The following CCDC62 variants were observed in gnomAD, a reference collection of about 807,000 sequenced individuals.
The protein encoded by CCDC62 is coiled-coil domain containing 62.
A neutral mutation model predicts 80.8 loss-of-function variants in CCDC62; 72 were observed. That is an observed-to-expected ratio of 0.89 (90% CI 0.74 to 1.08). The LOEUF is 1.08. CCDC62 is among the 50% of genes least tolerant of loss of function. CCDC62 has a pLI of 0.00. For missense variants in CCDC62, 704 were observed against 809.4 expected (o/e 0.87, Z 1.58); for synonymous variants, 286 against 296.5 (o/e 0.96, Z 0.36).
At chr12:122,812,777 G>GAGAGAGAGAGAGAAAGAAAGAAAGAA (rs750420995) in intron 10 of CCDC62, among the ~76,000 whole-genome samples, 4 of 57,780 alleles carry the variant, frequency 6.9e-5, no homozygotes, top group African/African-American at 2.3e-4. Context: ...GAGAGAGAGA[G>GAGAGAGAGAGAGAAAGAAAGAAAGAA]AGAAAGAAAG....
At chr12:122,797,211 A>G (rs1482579289) in intron 6 of CCDC62, 96 bp from the exon 7 acceptor site, 3 of 673,050 alleles carry the variant, frequency 4.5e-6, no homozygotes, top group African/African-American at 3.6e-5. Context: ...GAACAACAAC[A>G]ACAAAAATGT....
chr12:122,813,861 T>C (rs2032046916), intron 11 of CCDC62, among the ~76,000 whole-genome samples: 1 of 152,076 alleles, frequency 6.6e-6, no homozygotes, highest in African/African-American at 2.4e-5. Context: ...TTCACCATGT[T>C]GGCCAGGCTG....
At chr12:122,809,361 G>T (rs1025643291) in intron 10 of CCDC62, among the ~76,000 whole-genome samples, 1 of 152,034 alleles carries the variant, frequency 6.6e-6, no homozygotes, top group Admixed American at 6.6e-5. Context: ...GTTGTAGCTC[G>T]TGCCTGTGGT....
intron 4 of CCDC62, among the ~76,000 whole-genome samples, chr12:122,788,338 A>G (rs2135540290): frequency 1.3e-5 from 2 of 152,318 alleles, no homozygotes; most frequent in Admixed American, 1.3e-4. Flanking sequence ...ATGATGGGCC[A>G]TTAGACTTAC....
At position 122,797,304 on chromosome 12, in the gene CCDC62, T is replaced by C. The variant is rs758129300; in HGVS notation, c.773-3T>C. The C allele has an allele frequency of 4.8e-6, 7 of 1,456,530 alleles. No individual in the cohort carries two copies. The highest frequency in any genetic ancestry group is 4.8e-6 in the Non-Finnish European group (5 of 1,037,356). The allele number at this position is 1,456,530 out of a possible 1,614,324, so 90.2% of individuals were successfully genotyped here. On this transcript the variant is annotated splice_region_variant and splice_polypyrimidine_tract_variant and intron_variant, in intron 6 of 12. Transcript: ENST00000253079. The stretch of plus-strand genomic sequence containing the variant: ...AATGTTAATAATACTTGTTCTTAAA[T>C]AGTAGAGAGAGAAAAGAGGAAAGAT...
chr12:122,817,821 CGT>C (rs945002677), intron 11 of CCDC62, among the ~76,000 whole-genome samples: 2 of 151,330 alleles, frequency 1.3e-5, no homozygotes, highest in East Asian at 1.9e-4. Context: ...TGCATGCATG[CGT>C]GTGTGTGTGT....
rs1439131733 is a variant in CCDC62, at chr12:122,824,647, A to G, written c.*40+1188A>G. 2.6e-5 allele frequency among the ~76,000 whole-genome samples: 4 copies of G among 152,202 alleles called. 1 individual carries two copies. The South Asian group carries it at 8.3e-4, about 32-fold the overall frequency. On this transcript the variant is annotated intron_variant, in intron 12 of 12. Coordinates refer to ENST00000253079, the MANE Select transcript of CCDC62 (RefSeq NM_201435.5). ...TAAAAGTAGAACTCCGATTTGATCCAATAATCCCACTACTGGGTATCTACG... is the reference window on the plus strand; with the variant it reads ...TAAAAGTAGAACTCCGATTTGATCCGATAATCCCACTACTGGGTATCTACG...
rs1365464146 is a variant in CCDC62 at position 122,826,961 on chromosome 12, G to T, written c.*580G>T. The T allele has an allele frequency of 6.6e-6, 1 of 152,584 alleles. No homozygotes were observed. The highest frequency in any genetic ancestry group is 1.9e-4 in the East Asian group (1 of 5,202). The allele number at this position is 152,584 out of a possible 1,614,324, so 9.5% of individuals were successfully genotyped here. A position where few individuals can be genotyped will look rare whatever the true frequency, so the allele number is the denominator to read the frequency against. On this transcript the variant is annotated 3_prime_UTR_variant, in exon 13 of 13. Coordinates refer to ENST00000253079, the MANE Select transcript of CCDC62 (RefSeq NM_201435.5). ...AAATGTAACTGGAAAATAGCTCGAGGTCCTTCTGTCCCAAGCTGAGCAGAG... is the reference window on the plus strand; with the variant it reads ...AAATGTAACTGGAAAATAGCTCGAGTTCCTTCTGTCCCAAGCTGAGCAGAG...
At chr12:122,786,077 T>G (rs950984068) in intron 4 of CCDC62, among the ~76,000 whole-genome samples, 7 of 152,202 alleles carry the variant, frequency 4.6e-5, no homozygotes, top group Non-Finnish European at 1.0e-4. Context: ...TGAATTAACT[T>G]GTTTTCTCCC....
intron 11 of CCDC62, among the ~76,000 whole-genome samples, chr12:122,822,785 C>T (rs1188376538): frequency 2.0e-5 from 3 of 151,896 alleles, no homozygotes; most frequent in East Asian, 1.9e-4. Flanking sequence ...GGTTCATCCA[C>T]GCTGTTGCAA....
Position 122,823,119 on chromosome 12 carries a change from T to C in CCDC62, c.2002-247T>C, listed in dbSNP as rs1310642048. Among the ~76,000 whole-genome samples, 3 of 152,294 alleles carry C rather than the reference T, an allele frequency of 2.0e-5. No homozygotes were observed. In the East Asian group the frequency reaches 5.8e-4, roughly 29 times the overall value. On this transcript the variant is annotated intron_variant, in intron 11 of 12. Coordinates refer to ENST00000253079, the MANE Select transcript of CCDC62 (RefSeq NM_201435.5). ...GGAATTACAGGCGGGCGCCACGATG[T>C]CCAGCTCATTTTTGTATTTTTGGTA... is the stretch of plus-strand genomic sequence containing the variant.
intron 11 of CCDC62, among the ~76,000 whole-genome samples, chr12:122,822,645 CTCACT>C: frequency 8.1e-6 from 1 of 122,728 alleles, no homozygotes; most frequent in African/African-American, 3.6e-5. Flanking sequence ...GCGATCTTGG[CTCACT>C]GTAAGCTCCG....
intron 12 of CCDC62, among the ~76,000 whole-genome samples, chr12:122,825,761 G>A (rs1190252728): frequency 2.7e-5 from 4 of 149,762 alleles, no homozygotes; most frequent in Non-Finnish European, 4.4e-5. Flanking sequence ...CGAGGTGGGC[G>A]GATCGCCTGA....
In CCDC62 at chr12:122,815,471, A is replaced by T. The variant is rs545028693; in HGVS notation, c.2001+2052A>T. ...TTTTTTTTTTTCTTTTTTGAGACGG[A>T]GTCTCGCTCTGTCGCCCAGGCCTTG... On this transcript the variant is annotated intron_variant, in intron 11 of 12. Transcript: ENST00000253079. 2.0e-5 allele frequency among the ~76,000 whole-genome samples: 3 copies of T among 150,996 alleles called. No individual in the cohort carries two copies. In the South Asian group the frequency reaches 6.3e-4, roughly 32 times the overall value.
At chr12:122,797,981 A>G (rs776131258) in intron 7 of CCDC62, 104 bp from the exon 8 acceptor site, 30 of 638,020 alleles carry the variant, frequency 4.7e-5, no homozygotes, top group Admixed American at 2.0e-4. Flanking sequence ...TAACTATCTG[A>G]CCTGTTTTAG....
At chr12:122,783,408 A>T (rs2029993736) in intron 3 of CCDC62, among the ~76,000 whole-genome samples, 1 of 151,602 alleles carries the variant, frequency 6.6e-6, no homozygotes. Flanking sequence ...TTTGTATTTT[A>T]GTAGAGACGG....
intron 3 of CCDC62, among the ~76,000 whole-genome samples, chr12:122,782,545 G>C (rs1294454382): frequency 6.6e-6 from 1 of 152,030 alleles, no homozygotes; most frequent in Admixed American, 6.6e-5. Context: ...CATAACCTCT[G>C]CCTCCTGGGT....
rs370074875 is a variant in CCDC62, at chr12:122,781,345, T to A, written c.396+15T>A. 145 of 1,609,812 alleles carry A rather than the reference T, an allele frequency of 9.0e-5. 2 individuals carry two copies. The South Asian group carries it at 1.3e-3, about 14-fold the overall frequency. On this transcript the variant is annotated intron_variant, in intron 3 of 12. Transcript: ENST00000253079. Reference sequence around the variant, plus strand: ...AAGACCTTGAGGTTGGGATTAGTTTTTGATAAGCTTCACTAGTCCAAATTC... The same window carrying A: ...AAGACCTTGAGGTTGGGATTAGTTTATGATAAGCTTCACTAGTCCAAATTC...
intron 2 of CCDC62, among the ~76,000 whole-genome samples, chr12:122,778,244 C>T (rs1049859849): frequency 2.6e-5 from 4 of 151,686 alleles, no homozygotes; most frequent in African/African-American, 9.7e-5. Flanking sequence ...ATCTCAGCTA[C>T]TCGGGAGGCA....
Sources: allele counts gnomAD v4.1 joint callset (sites outside exome capture counted in the v4.1 genomes callset), GRCh38; gene constraint gnomAD v4.1.1; transcripts MANE v1.5; gene names NCBI Gene and HGNC (gene_info 2026-07-23, HGNC 2026-07-21).